Variants in SORCS3 observed in about 807,000 individuals in gnomAD.
SORCS3 encodes VPS10 domain-containing receptor SorCS3.
Under a neutral mutation model 146.3 loss-of-function variants are expected in SORCS3, and 57 were observed. That is an observed-to-expected ratio of 0.39 (90% CI 0.31 to 0.49). The LOEUF is 0.49. SORCS3 is among the 20% of genes least tolerant of loss of function. The pLI is 0.92. For synonymous variants in SORCS3, 653 were observed against 618.5 expected (o/e 1.06, Z -0.83); for missense variants, 1,341 against 1,575.5 (o/e 0.85, Z 2.52).
chr10:104,944,740 G>A (rs2133621173), intron 3 of SORCS3, among the ~76,000 whole-genome samples: 1 of 152,312 alleles, frequency 6.6e-6, no homozygotes, highest in East Asian at 1.9e-4. Flanking sequence ...GAACTTTCAT[G>A]CAGTACTGAG....
chr10:105,124,051 T>A (rs2055954995), intron 7 of SORCS3, among the ~76,000 whole-genome samples: 1 of 152,230 alleles, frequency 6.6e-6, no homozygotes, highest in South Asian at 2.1e-4. Context: ...GGCGGATCCA[T>A]GCATACTCTT....
intron 13 of SORCS3, among the ~76,000 whole-genome samples, chr10:105,169,968 G>A (rs2056346190): frequency 6.6e-6 from 1 of 152,054 alleles, no homozygotes; most frequent in African/African-American, 2.4e-5. Context: ...CTTAAACTTG[G>A]CCATCACTCT....
chr10:104,945,842 A>C (rs4918141), intron 3 of SORCS3, among the ~76,000 whole-genome samples: 1 of 151,276 alleles, frequency 6.6e-6, no homozygotes, highest in Non-Finnish European at 1.5e-5. Flanking sequence ...CTTGAGTCAC[A>C]CTGGAGAAGC....
chr10:104,731,443 A>G (rs1016687920), intron 1 of SORCS3, among the ~76,000 whole-genome samples: 1 of 152,212 alleles, frequency 6.6e-6, no homozygotes, highest in African/African-American at 2.4e-5. Context: ...ACTCTAAATC[A>G]TCTCTATCCC....
chr10:105,233,375 T>C (rs2056775588), intron 20 of SORCS3, among the ~76,000 whole-genome samples: 1 of 152,188 alleles, frequency 6.6e-6, no homozygotes, highest in Non-Finnish European at 1.5e-5. Flanking sequence ...ACAAATTTTT[T>C]TTCTGTTAAG....
intron 2 of SORCS3, among the ~76,000 whole-genome samples, chr10:104,861,300 C>T (rs1399782357): frequency 6.6e-6 from 1 of 152,122 alleles, no homozygotes; most frequent in African/African-American, 2.4e-5. Flanking sequence ...GATTTGAATC[C>T]CAGTTATGCC....
At chr10:105,157,340 C>T in intron 10 of SORCS3, 56 bp downstream of exon 10, 2 of 1,600,144 alleles carry the variant, frequency 1.2e-6, no homozygotes, top group Non-Finnish European at 1.7e-6. Flanking sequence ...CCTGCAGAAG[C>T]TGTGTCGAGG....
intron 6 of SORCS3, among the ~76,000 whole-genome samples, chr10:105,102,571 C>T (rs970435365): frequency 3.3e-5 from 5 of 152,076 alleles, no homozygotes; most frequent in African/African-American, 9.7e-5. Context: ...GAAAAACTAT[C>T]GTGTGCTATG....
chr10:105,105,574 C>A, intron 7 of SORCS3, 59 bp downstream of exon 7: 1 of 1,211,610 alleles, frequency 8.3e-7, no homozygotes, highest in Non-Finnish European at 1.2e-6. Flanking sequence ...TGGCTGCCTG[C>A]TAGGAAAAGG....
chr10:105,039,127 T>G (rs2055323259), intron 4 of SORCS3, among the ~76,000 whole-genome samples: 1 of 152,190 alleles, frequency 6.6e-6, no homozygotes, highest in Admixed American at 6.5e-5. Context: ...TTGATACACT[T>G]TTAGTGACTG....
At chr10:104,693,563 T>G (rs1219234762) in intron 1 of SORCS3, among the ~76,000 whole-genome samples, 1 of 152,200 alleles carries the variant, frequency 6.6e-6, no homozygotes, top group Non-Finnish European at 1.5e-5. Context: ...GACCGCAACC[T>G]TGACAGTAAT....
chr10:104,915,933 G>A lies in SORCS3; in HGVS notation c.795+1G>A. 2 of 1,612,032 alleles carry A rather than the reference G, an allele frequency of 1.2e-6. No homozygotes were observed. The highest frequency in any genetic ancestry group is 1.7e-6 in the Non-Finnish European group (2 of 1,178,142). ...TGTCAATCCAACCAACAAAAGGAAG[G>A]TAAGAGACTGGGTCAGTAGGTCCTG... On this transcript the variant is annotated splice_donor_variant, in intron 3 of 26. Coordinates refer to ENST00000369701, the MANE Select transcript of SORCS3 (RefSeq NM_014978.3). LOFTEE classifies it high-confidence loss of function.
At position 104,738,022 on chromosome 10, in the gene SORCS3, T is replaced by C. The variant is rs571127707; in HGVS notation, c.627+96068T>C. ...TAGCCAATTTTCCCAGCACCATTTA[T>C]TAAATAGGGAATCCTTTCCCCATTG... On this transcript the variant is annotated intron_variant, in intron 1 of 26. Transcript: ENST00000369701. Among the ~76,000 whole-genome samples, 1,415 of 152,106 alleles carry C rather than the reference T, an allele frequency of 9.3e-3. 18 individuals carry two copies. The highest frequency in any genetic ancestry group is 0.032 in the African/African-American group (1,338 of 41,454).
chr10:104,658,153 T>C (rs1371974556), intron 1 of SORCS3, among the ~76,000 whole-genome samples: 3 of 152,244 alleles, frequency 2.0e-5, no homozygotes, highest in African/African-American at 7.2e-5. Context: ...AGGGCAGTGT[T>C]AATTATATTG....
chr10:104,759,900 C>T (rs1225970419), intron 1 of SORCS3, among the ~76,000 whole-genome samples: 6 of 152,000 alleles, frequency 3.9e-5, no homozygotes, highest in East Asian at 1.9e-4. Flanking sequence ...ATGGTAAACA[C>T]GCTAGTGGAC....
chr10:104,856,165 A>G, intron 2 of SORCS3, among the ~76,000 whole-genome samples: 1 of 152,124 alleles, frequency 6.6e-6, no homozygotes, highest in Middle Eastern at 3.2e-3. Flanking sequence ...CTGTATTAGT[A>G]TAATTCATTT....
In SORCS3 at chr10:105,176,652, G is replaced by A. The variant is rs1055459548; in HGVS notation, c.1902-1414G>A. Among the ~76,000 whole-genome samples, 6 of 152,038 alleles carry A rather than the reference G, an allele frequency of 3.9e-5. No individual in the cohort carries two copies. The East Asian group carries it at 7.8e-4, about 20-fold the overall frequency. ...GGGTGGGTTACGAGGCCAGAAGATCGAGACCATCCTGTCTAACACAGTGAA... is the reference window on the plus strand; with the variant it reads ...GGGTGGGTTACGAGGCCAGAAGATCAAGACCATCCTGTCTAACACAGTGAA... On this transcript the variant is annotated intron_variant, in intron 13 of 26. Transcript: ENST00000369701.
intron 20 of SORCS3, among the ~76,000 whole-genome samples, chr10:105,224,740 C>G (rs2056724200): frequency 6.6e-6 from 1 of 152,178 alleles, no homozygotes; most frequent in South Asian, 2.1e-4. Flanking sequence ...CACATACTCA[C>G]TAGCATTTGG....
At chr10:104,953,763 AT>A (rs2019458597) in intron 3 of SORCS3, among the ~76,000 whole-genome samples, 1 of 152,186 alleles carries the variant, frequency 6.6e-6, no homozygotes, top group Non-Finnish European at 1.5e-5. Context: ...AACATCTACA[AT>A]GTACCAGACA....
Sources: gnomAD v4.1 joint callset for allele counts (sites outside exome capture counted in the v4.1 genomes callset) on GRCh38, gnomAD v4.1.1 for gene constraint, MANE v1.5 for transcripts, NCBI Gene and HGNC (gene_info 2026-07-23, HGNC 2026-07-21) for gene names.